The following ACKR3 variants were observed in gnomAD, a reference collection of about 807,000 sequenced individuals.
ACKR3 encodes C-X-C chemokine receptor type 7.
A neutral mutation model predicts 22.4 loss-of-function variants in ACKR3; 6 were observed. That is an observed-to-expected ratio of 0.27 (90% CI 0.15 to 0.53). The LOEUF is 0.53. Among genes scored for constraint, ACKR3 ranks in the 20% least tolerant of loss-of-function variants. The probability of loss-of-function intolerance (pLI) is 0.96; values close to 1 mark genes in which losing one functional copy is unlikely to be tolerated. For missense variants in ACKR3, 396 were observed against 475.2 expected, an observed-to-expected ratio of 0.83 and a Z score of 1.55; for synonymous variants, 209 against 205.2, an observed-to-expected ratio of 1.02 and a Z score of -0.16.
upstream of ACKR3, among the ~76,000 whole-genome samples, chr2:236,565,192 T>A (rs188620379): frequency 5.9e-5 from 9 of 152,058 alleles, no homozygotes; most frequent in Non-Finnish European, 1.3e-4. Flanking sequence ...TCTCGTTTAA[T>A]CCTGACAAGC....
the ACKR3 span, among the ~76,000 whole-genome samples, chr2:236,546,145 G>A: frequency 6.6e-6 from 1 of 152,308 alleles, no homozygotes; most frequent in African/African-American, 2.4e-5. The surrounding 1 kb of genome is among the most constrained non-coding windows in gnomAD (Gnocchi z 4.9). Flanking sequence ...AACGATTCTT[G>A]GTCCCAGGAG....
At chr2:236,546,129 C>A in the ACKR3 span, among the ~76,000 whole-genome samples, 1 of 152,190 alleles carries the variant, frequency 6.6e-6, no homozygotes, top group Non-Finnish European at 1.5e-5. This position sits in a 1 kb window ranked among gnomAD's most constrained non-coding sequence, Gnocchi z 4.9. Flanking sequence ...CCAGAATTTT[C>A]TTTCTAACGA....
chr2:236,551,875 C>G, the ACKR3 span, among the ~76,000 whole-genome samples: 5 of 152,266 alleles, frequency 3.3e-5, no homozygotes, highest in South Asian at 1.0e-3. Flanking sequence ...GCCCACCCGA[C>G]TCTGAGACAG....
chr2:236,580,396 G>A, intron 1 of ACKR3, 44 bp from the exon 2 acceptor site: 1 of 1,545,612 alleles, frequency 6.5e-7, no homozygotes. Context: ...CTAATGAAGT[G>A]ACTTTCCTCT....
At chr2:236,552,067 C>A in the ACKR3 span, among the ~76,000 whole-genome samples, 1 of 152,184 alleles carries the variant, frequency 6.6e-6, no homozygotes, top group Non-Finnish European at 1.5e-5. Context: ...CCCCGTAGAA[C>A]TTTCTGCCTG....
At chr2:236,566,718 C>CCCCTCCTT (rs1691187268), upstream of ACKR3, among the ~76,000 whole-genome samples, 1 of 114,490 alleles carries the variant, frequency 8.7e-6, no homozygotes, top group African/African-American at 4.1e-5. Context: ...TCCTTTCCTT[C>CCCCTCCTT]CCTTCCTTCC....
chr2:236,539,166 G>A, the ACKR3 span, among the ~76,000 whole-genome samples: 1 of 151,968 alleles, frequency 6.6e-6, no homozygotes. Context: ...TATCACGTCT[G>A]GATGGGCCTT....
chr2:236,573,357 T>C (rs1029892108), intron 1 of ACKR3, among the ~76,000 whole-genome samples: 6 of 152,226 alleles, frequency 3.9e-5, no homozygotes, highest in Non-Finnish European at 8.8e-5. Flanking sequence ...TGTAGCATGA[T>C]TCCCGCTGGA....
At chr2:236,558,518 CG>C in the ACKR3 span, among the ~76,000 whole-genome samples, 1 of 152,084 alleles carries the variant, frequency 6.6e-6, no homozygotes, top group Non-Finnish European at 1.5e-5. Context: ...TGGCAAAACT[CG>C]AGTGGGGTCT....
chr2:236,557,793 C>T, the ACKR3 span, among the ~76,000 whole-genome samples: 1 of 152,322 alleles, frequency 6.6e-6, no homozygotes, highest in East Asian at 1.9e-4. Context: ...AGTCATGGGA[C>T]AAATTGGTGT....
chr2:236,551,454 G>A, the ACKR3 span, among the ~76,000 whole-genome samples: 1 of 152,084 alleles, frequency 6.6e-6, no homozygotes, highest in Non-Finnish European at 1.5e-5. Flanking sequence ...TGAGGTACTG[G>A]GTGGGCACAG....
chr2:236,568,002 G>A (rs1405441960), upstream of ACKR3, among the ~76,000 whole-genome samples: 1 of 152,120 alleles, frequency 6.6e-6, no homozygotes, highest in Non-Finnish European at 1.5e-5. Flanking sequence ...GCGGGGCAGG[G>A]CGCAGGCTGC....
At chr2:236,572,728 G>C (rs1454416944) in intron 1 of ACKR3, among the ~76,000 whole-genome samples, 1 of 152,192 alleles carries the variant, frequency 6.6e-6, no homozygotes. Flanking sequence ...CTGCTCTTGT[G>C]GGTATAGCTT....
the ACKR3 span, among the ~76,000 whole-genome samples, chr2:236,538,788 G>A: frequency 4.6e-5 from 7 of 152,188 alleles, no homozygotes; most frequent in African/African-American, 1.7e-4. Flanking sequence ...TTCCATGCAG[G>A]TAGATGTCAT....
At chr2:236,575,674 T>C (rs1266394737) in intron 1 of ACKR3, among the ~76,000 whole-genome samples, 1 of 151,722 alleles carries the variant, frequency 6.6e-6, no homozygotes, top group African/African-American at 2.4e-5. Context: ...TGTGCGTTTC[T>C]GGGGTTGTGC....
intron 1 of ACKR3, among the ~76,000 whole-genome samples, chr2:236,571,590 G>C (rs1204118622): frequency 8.7e-6 from 1 of 115,384 alleles, no homozygotes; most frequent in Non-Finnish European, 1.6e-5. Context: ...ATCAGGCCCA[G>C]AACAGGCCAA....
In ACKR3 at chr2:236,571,394, G is replaced by T. The variant is rs191876223; in HGVS notation, c.-27+1470G>T. The stretch of plus-strand genomic sequence containing the variant: ...GAAAGCGAAGGAAGATGGAGAAATG[G>T]CTGCAGTTTGCTGCCCATCAGCTTT... On this transcript the variant is annotated intron_variant, in intron 1 of 1. Transcript: ENST00000272928. Among the ~76,000 whole-genome samples, 29 of 152,270 alleles carry T rather than the reference G, an allele frequency of 1.9e-4. No individual in the cohort carries two copies. In the East Asian group the frequency reaches 4.8e-3, roughly 25 times the overall value.
chr2:236,557,305 T>C, the ACKR3 span, among the ~76,000 whole-genome samples: 1 of 151,930 alleles, frequency 6.6e-6, no homozygotes, highest in Non-Finnish European at 1.5e-5. Flanking sequence ...TGTCTTGGCT[T>C]TTACCACTGA....
chr2:236,541,192 G>A, the ACKR3 span, among the ~76,000 whole-genome samples: 3 of 152,192 alleles, frequency 2.0e-5, no homozygotes, highest in African/African-American at 7.2e-5. Context: ...GTTGTTGAAA[G>A]TTCTTAAAAA....
Sources: gnomAD v4.1 joint callset for allele counts (sites outside exome capture counted in the v4.1 genomes callset) on GRCh38, gnomAD v4.1.1 for gene constraint, Gnocchi (gnomAD v3.1) non-coding constraint, MANE v1.5 for transcripts, NCBI Gene and HGNC (gene_info 2026-07-23, HGNC 2026-07-21) for gene names.